Variants in RSBN1L observed in about 807,000 individuals in gnomAD.
RSBN1L encodes lysine-specific demethylase RSBN1L.
A neutral mutation model predicts 67.7 loss-of-function variants in RSBN1L; 30 were observed. That is an observed-to-expected ratio of 0.44 (90% confidence interval 0.33 to 0.60). The LOEUF is 0.60. RSBN1L is among the 20% of genes least tolerant of loss of function. The pLI is 0.02. For missense variants in RSBN1L, 992 were observed against 1,031.7 expected, an observed-to-expected ratio of 0.96 and a Z score of 0.53; for synonymous variants, 433 against 387.0, an observed-to-expected ratio of 1.12 and a Z score of -1.39.
intron 6 of RSBN1L, among the ~76,000 whole-genome samples, chr7:77,774,329 G>C (rs959897091): frequency 8.5e-5 from 13 of 152,170 alleles, no homozygotes; most frequent in African/African-American, 3.1e-4. Context: ...GCTCACGCCT[G>C]TAATTCCAGC....
chr7:77,700,894 C>T (rs937112793), intron 1 of RSBN1L, among the ~76,000 whole-genome samples: 11 of 152,150 alleles, frequency 7.2e-5, no homozygotes, highest in African/African-American at 2.2e-4. Context: ...CGGTGGCTCA[C>T]GCCTGTAATC....
At chr7:77,734,591 C>T (rs1386941735) in intron 1 of RSBN1L, among the ~76,000 whole-genome samples, 1 of 151,850 alleles carries the variant, frequency 6.6e-6, no homozygotes, top group Non-Finnish European at 1.5e-5. Flanking sequence ...CGGGTTCAAG[C>T]GATTCTTCTA....
chr7:77,766,637 CA>C (rs1791769375), intron 4 of RSBN1L, among the ~76,000 whole-genome samples: 1 of 151,654 alleles, frequency 6.6e-6, no homozygotes, highest in South Asian at 2.1e-4. Context: ...ATTATTTAAT[CA>C]GTAACTCAAA....
Position 77,782,137 on chromosome 7 carries a change from T to G in RSBN1L, c.*2969T>G, listed in dbSNP as rs1414877171. ...CTTCAGATACAATCTGAGAACTTGTTGACTACCTTTGTTACATGCAAAAAT... is the reference window on the plus strand; with the variant it reads ...CTTCAGATACAATCTGAGAACTTGTGGACTACCTTTGTTACATGCAAAAAT... On this transcript the variant is annotated 3_prime_UTR_variant, in exon 8 of 8. Transcript: ENST00000334955. 6.6e-6 allele frequency: 1 copy of G among 152,198 alleles called. No homozygotes were observed. Among genetic ancestry groups the G allele is most frequent in the Non-Finnish European group, 1.5e-5 (1 of 68,042 alleles). The allele number at this position is 152,198 out of a possible 1,614,324, so 9.4% of individuals were successfully genotyped here.
intron 5 of RSBN1L, among the ~76,000 whole-genome samples, chr7:77,772,169 C>CA (rs531242767): frequency 1.5e-4 from 22 of 150,474 alleles, no homozygotes; most frequent in Admixed American, 2.6e-4. Flanking sequence ...CACAAAGAAC[C>CA]AAAAAAAAAT....
chr7:77,774,644 G>C (rs1414807131), intron 6 of RSBN1L, among the ~76,000 whole-genome samples: 1 of 152,190 alleles, frequency 6.6e-6, no homozygotes, highest in Admixed American at 6.5e-5. Flanking sequence ...GGCTGAGGCA[G>C]GAGAAGTGCT....
Position 77,749,626 on chromosome 7 carries a change from T to C in RSBN1L, c.906T>C (p.Asp302=), listed in dbSNP as rs1237238748. 1 of 1,613,940 alleles carries C rather than the reference T, an allele frequency of 6.2e-7. No homozygotes were observed. Among genetic ancestry groups the C allele is most frequent in the Admixed American group, 1.7e-5 (1 of 59,982 alleles). ...AKGILNDNIK[D]YVGKNLDTKN... Reference sequence around the variant, plus strand: ...GCATCCTAAATGATAACATAAAAGATTACGTTGGGAAGAATTTGGATACCA... The same window carrying C: ...GCATCCTAAATGATAACATAAAAGACTACGTTGGGAAGAATTTGGATACCA... The change falls in exon 3 of 8, where the codon GAT becomes GAC. Residue 302 remains aspartate, a synonymous_variant. Transcript: ENST00000334955.
At chr7:77,714,538 A>C (rs535673718) in intron 1 of RSBN1L, among the ~76,000 whole-genome samples, 1 of 152,278 alleles carries the variant, frequency 6.6e-6, no homozygotes, top group South Asian at 2.1e-4. Context: ...CAGTTCATTT[A>C]TTTTTATTTC....
intron 6 of RSBN1L, 67 bp from the exon 7 acceptor site, chr7:77,778,271 G>T: frequency 1.8e-6 from 2 of 1,103,784 alleles, no homozygotes; most frequent in Admixed American, 2.3e-5. Context: ...TTTGCTTTGA[G>T]TTTAATAAGG....
intron 2 of RSBN1L, among the ~76,000 whole-genome samples, chr7:77,746,748 G>A (rs1276238969): frequency 6.6e-6 from 1 of 152,138 alleles, no homozygotes; most frequent in Non-Finnish European, 1.5e-5. Flanking sequence ...AGGGGGGTGG[G>A]TATAGGCATT....
At chr7:77,709,739 G>A (rs1790948241) in intron 1 of RSBN1L, among the ~76,000 whole-genome samples, 1 of 152,002 alleles carries the variant, frequency 6.6e-6, no homozygotes, top group South Asian at 2.1e-4. Flanking sequence ...GTTTGGTTTT[G>A]GGCCCTTTGT....
intron 1 of RSBN1L, among the ~76,000 whole-genome samples, chr7:77,729,592 A>G (rs1791248975): frequency 6.6e-6 from 1 of 152,234 alleles, no homozygotes; most frequent in South Asian, 2.1e-4. Flanking sequence ...ACACTGAAGC[A>G]TATGTGGCTT....
At position 77,777,007 on chromosome 7, in the gene RSBN1L, G is replaced by A. The variant is rs1201919146; in HGVS notation, c.1794-1331G>A. On this transcript the variant is annotated intron_variant, in intron 6 of 7. Coordinates refer to ENST00000334955, the MANE Select transcript of RSBN1L (RefSeq NM_198467.3). Reference sequence around the variant, plus strand: ...TTTCCCCTTTTCTTGTCATTTTTAAGCATTCCATTTTACCTCCATGATTTG... The same window carrying A: ...TTTCCCCTTTTCTTGTCATTTTTAAACATTCCATTTTACCTCCATGATTTG... 2.0e-5 allele frequency among the ~76,000 whole-genome samples: 3 copies of A among 149,814 alleles called. No individual in the cohort carries two copies. The East Asian group carries it at 5.8e-4, about 29-fold the overall frequency.
At chr7:77,705,394 A>G (rs996885659) in intron 1 of RSBN1L, among the ~76,000 whole-genome samples, 2 of 152,008 alleles carry the variant, frequency 1.3e-5, no homozygotes, top group Non-Finnish European at 2.9e-5. Flanking sequence ...AGTGTTTCCT[A>G]GGTACTCATA....
At chr7:77,710,430 G>A (rs1217563225) in intron 1 of RSBN1L, among the ~76,000 whole-genome samples, 3 of 151,974 alleles carry the variant, frequency 2.0e-5, no homozygotes, top group East Asian at 3.9e-4. Flanking sequence ...TTCTCTACCC[G>A]TTTTCTTTCC....
intron 6 of RSBN1L, 97 bp from the exon 7 acceptor site, chr7:77,778,241 G>C (rs1426520576): frequency 1.0e-5 from 8 of 766,434 alleles, no homozygotes; most frequent in Non-Finnish European, 1.7e-5. Flanking sequence ...ACAGTACTAT[G>C]GTATTGACCA....
intron 1 of RSBN1L, among the ~76,000 whole-genome samples, chr7:77,722,517 T>G (rs964762201): frequency 1.3e-5 from 2 of 152,176 alleles, no homozygotes; most frequent in African/African-American, 2.4e-5. Flanking sequence ...TAGCTTTGAT[T>G]AGCTGTGTTA....
intron 1 of RSBN1L, among the ~76,000 whole-genome samples, chr7:77,719,768 A>C (rs1791091735): frequency 6.6e-6 from 1 of 152,112 alleles, no homozygotes; most frequent in South Asian, 2.1e-4. Context: ...TATGTATTTA[A>C]AAAAATTTTT....
At chr7:77,750,756 AGTTTTTGGTTTTCTAGGAACG>A (rs1281995666) in intron 3 of RSBN1L, among the ~76,000 whole-genome samples, 2 of 152,064 alleles carry the variant, frequency 1.3e-5, no homozygotes, top group Non-Finnish European at 2.9e-5. Context: ...TTGATGCTGT[AGTTTTTGGTTTTCTAGGAACG>A]GTTTTTGGTT....
Sources: gnomAD v4.1 joint callset for allele counts (sites outside exome capture counted in the v4.1 genomes callset) on GRCh38, gnomAD v4.1.1 for gene constraint, MANE v1.5 for transcripts, NCBI Gene and HGNC (gene_info 2026-07-23, HGNC 2026-07-21) for gene names.